Variants in NDRG1 observed in about 807,000 individuals in gnomAD.
NDRG1 encodes N-myc downstream regulated 1, also known as protein NDRG1.
In NDRG1, 32 loss-of-function variants were observed where a neutral mutation model predicts 56.9. The ratio of observed to expected loss-of-function variants is 0.56; its 90% CI spans 0.42 to 0.76. NDRG1 has a LOEUF of 0.76. NDRG1 is among the 30% of genes least tolerant of loss of function. NDRG1 has a pLI of 0.00. For missense variants in NDRG1, 507 were observed against 545.7 expected (o/e 0.93, Z 0.71); for synonymous variants, 211 against 204.1 (o/e 1.03, Z -0.29).
intron 1 of NDRG1, among the ~76,000 whole-genome samples, chr8:133,285,619 C>T (rs1042320121): frequency 3.9e-5 from 6 of 152,212 alleles, no homozygotes; most frequent in African/African-American, 1.2e-4. Flanking sequence ...GAATCCACCC[C>T]GGGTCCATCC....
In NDRG1 at chr8:133,237,927, C is replaced by T. The variant is rs1041216652; in HGVS notation, c.*951G>A. The T allele has an allele frequency of 1.3e-5, 3 of 233,140 alleles. No individual in the cohort carries two copies. The highest frequency in any genetic ancestry group is 2.5e-5 in the Non-Finnish European group (3 of 118,054). The allele number at this position is 233,140 out of a possible 1,614,324, so 14.4% of individuals were successfully genotyped here. A position where few individuals can be genotyped will look rare whatever the true frequency, so the allele number is the denominator to read the frequency against. ...CATCGAGTAACCCCAATTCCACCCC[C>T]ACCCCAGTGCTCCTACTCCGGCCCC... On this transcript the variant is annotated 3_prime_UTR_variant, in exon 16 of 16. Transcript: ENST00000323851.
intron 9 of NDRG1, among the ~76,000 whole-genome samples, chr8:133,252,330 G>A (rs912025826): frequency 6.6e-6 from 1 of 152,128 alleles, no homozygotes; most frequent in African/African-American, 2.4e-5. Flanking sequence ...CCTGACCTCA[G>A]GTGATCCACT....
At chr8:133,296,891 G>T (rs10108354) in intron 1 of NDRG1, 3 of 212,096 alleles carry the variant, frequency 1.4e-5, no homozygotes, top group Non-Finnish European at 3.0e-5. Context: ...AGCTAGGGGG[G>T]AGATGAATGG....
chr8:133,279,567 T>C (rs1054915943), intron 3 of NDRG1, among the ~76,000 whole-genome samples: 2 of 151,916 alleles, frequency 1.3e-5, no homozygotes, highest in Non-Finnish European at 2.9e-5. Context: ...GGTCCAGGAG[T>C]GCGCCTCTCC....
At chr8:133,271,959 C>T (rs1403978406) in intron 3 of NDRG1, among the ~76,000 whole-genome samples, 1 of 152,118 alleles carries the variant, frequency 6.6e-6, no homozygotes, top group Non-Finnish European at 1.5e-5. Flanking sequence ...CATTGAACAG[C>T]CTTTGGGGCT....
intron 2 of NDRG1, 73 bp from the exon 3 acceptor site, chr8:133,280,340 G>A (rs1055021441): frequency 6.9e-7 from 1 of 1,446,232 alleles, no homozygotes. Flanking sequence ...GGACATATGG[G>A]CCTTTCTATG....
At chr8:133,288,922 C>G (rs968092803) in intron 1 of NDRG1, among the ~76,000 whole-genome samples, 9 of 152,210 alleles carry the variant, frequency 5.9e-5, no homozygotes, top group African/African-American at 1.9e-4. Context: ...ATCTTCACTT[C>G]TTTTCCCATC....
At chr8:133,245,493 A>T (rs1007218975) in intron 13 of NDRG1, among the ~76,000 whole-genome samples, 5 of 152,110 alleles carry the variant, frequency 3.3e-5, no homozygotes, top group Non-Finnish European at 7.3e-5. Flanking sequence ...GGAAATTTGG[A>T]CATAGACGCA....
intron 6 of NDRG1, chr8:133,258,960 A>G: frequency 3.1e-6 from 2 of 635,998 alleles, no homozygotes; most frequent in South Asian, 1.8e-5. Flanking sequence ...CATTCACGCA[A>G]GAGGAAAACT....
chr8:133,264,044 T>C (rs1031298437), intron 4 of NDRG1, among the ~76,000 whole-genome samples: 3 of 151,896 alleles, frequency 2.0e-5, no homozygotes, highest in Non-Finnish European at 4.4e-5. Context: ...ATGGCCTGGA[T>C]AAACCTTGAA....
intron 13 of NDRG1, among the ~76,000 whole-genome samples, chr8:133,245,892 G>A (rs1240155182): frequency 1.3e-5 from 2 of 152,170 alleles, no homozygotes; most frequent in Non-Finnish European, 2.9e-5. Flanking sequence ...ATAAGTATCG[G>A]ACACCCCCTA....
At chr8:133,261,855 C>CTA (rs952170002) in intron 5 of NDRG1, among the ~76,000 whole-genome samples, 192 bp downstream of exon 5, 2 of 152,236 alleles carry the variant, frequency 1.3e-5, no homozygotes, top group Non-Finnish European at 1.5e-5. Flanking sequence ...TGCCACTGAA[C>CTA]TATATACTTA....
intron 3 of NDRG1, among the ~76,000 whole-genome samples, chr8:133,278,887 CTTTTTTTTTTT>C (rs34187643): frequency 2.4e-5 from 3 of 125,614 alleles, no homozygotes; most frequent in East Asian, 2.2e-4. Flanking sequence ...CTCTCTTCTT[CTTTTTTTTTTT>C]TTTTTTTTTG....
rs1232129355 is a variant in NDRG1, at chr8:133,262,166, G to T, written c.207C>A (p.His69Gln). 6.2e-7 allele frequency: 1 copy of T among 1,614,024 alleles called. No homozygotes were observed. Among genetic ancestry groups the T allele is most frequent in the Non-Finnish European group, 8.5e-7 (1 of 1,180,014 alleles). The change falls in exon 5 of 16, where the codon CAC becomes CAA. Residue 69 changes from histidine (H) to glutamine (Q), a missense_variant and splice_region_variant. Physicochemically the swap from His to Gln is conservative, Grantham distance 24. Transcript: ENST00000323851. Reference protein sequence around the residue: ...ILTYHDIGMNHKTCYNPLFNY... With the variant: ...ILTYHDIGMNQKTCYNPLFNY... ...TGAAGAGGGGGTTGTAGCAGGTTTTGTCTGAAGAACAGCAGTGAGGGAGAG... is the reference window on the plus strand; with the variant it reads ...TGAAGAGGGGGTTGTAGCAGGTTTTTTCTGAAGAACAGCAGTGAGGGAGAG...
intron 4 of NDRG1, among the ~76,000 whole-genome samples, chr8:133,262,839 A>C (rs942357103): frequency 6.6e-6 from 1 of 152,188 alleles, no homozygotes; most frequent in African/African-American, 2.4e-5. Context: ...AGATCCTCTA[A>C]GTTTCTCTCT....
intron 1 of NDRG1, among the ~76,000 whole-genome samples, chr8:133,295,546 G>C (rs1280520016): frequency 3.3e-5 from 5 of 152,218 alleles, no homozygotes; most frequent in African/African-American, 1.2e-4. Context: ...CCACCAGAAG[G>C]CAGCCCTTCC....
chr8:133,241,092 C>G (rs971465153), intron 15 of NDRG1: 2 of 152,240 alleles, frequency 1.3e-5, no homozygotes, highest in Admixed American at 6.5e-5. Context: ...ACCAAGCATA[C>G]TCTTACTATA....
chr8:133,246,505 A>G, intron 13 of NDRG1, 111 bp downstream of exon 13: 6 of 1,096,518 alleles, frequency 5.5e-6, no homozygotes, highest in Non-Finnish European at 7.1e-6. Context: ...CATTAATTCT[A>G]TAGTTTCTGA....
intron 3 of NDRG1, among the ~76,000 whole-genome samples, chr8:133,265,151 A>G (rs953606464): frequency 4.6e-5 from 7 of 152,206 alleles, no homozygotes; most frequent in Non-Finnish European, 2.9e-5. Context: ...TTCTGTTGAC[A>G]GTGACCCCCC....
Sources: allele counts gnomAD v4.1 joint callset (sites outside exome capture counted in the v4.1 genomes callset), GRCh38; gene constraint gnomAD v4.1.1; transcripts MANE v1.5; gene names NCBI Gene and HGNC (gene_info 2026-07-23, HGNC 2026-07-21).